Variants in RNF220 observed in about 807,000 individuals in gnomAD.
RNF220 encodes E3 ubiquitin-protein ligase RNF220.
RNF220 carries 7 observed loss-of-function variants against 67.1 expected under a neutral mutation model. The ratio of observed to expected loss-of-function variants is 0.10; its 90% confidence interval spans 0.06 to 0.20. The LOEUF (loss-of-function observed/expected upper bound fraction) is 0.20, where lower values mean the gene tolerates loss of function less well. Ranked by LOEUF, RNF220 falls within the 10% of genes least tolerant of loss-of-function variation. The probability of loss-of-function intolerance (pLI) is 1.00; values close to 1 mark genes in which losing one functional copy is unlikely to be tolerated. For synonymous variants in RNF220, 270 were observed against 283.2 expected (o/e 0.95, Z 0.47); for missense variants, 565 against 740.3 (o/e 0.76, Z 2.75).
intron 2 of RNF220, among the ~76,000 whole-genome samples, chr1:44,564,021 C>T (rs1233757054): frequency 2.0e-5 from 3 of 152,196 alleles, no homozygotes; most frequent in Non-Finnish European, 2.9e-5. Context: ...GAGAATGCCA[C>T]TGGCCCCCAT....
chr1:44,419,452 A>G (rs1432656593), intron 2 of RNF220: 5 of 152,218 alleles, frequency 3.3e-5, no homozygotes, highest in Non-Finnish European at 5.9e-5. Context: ...GGAATTTATC[A>G]TCTTCCAGCC....
chr1:44,609,759 C>CG (rs1264414220), intron 2 of RNF220, among the ~76,000 whole-genome samples: 2 of 152,220 alleles, frequency 1.3e-5, no homozygotes, highest in African/African-American at 4.8e-5. Context: ...CTCTCCTCCT[C>CG]GACAGGCCTG....
At chr1:44,533,397 C>G (rs1660972928) in intron 2 of RNF220, among the ~76,000 whole-genome samples, 1 of 151,976 alleles carries the variant, frequency 6.6e-6, no homozygotes, top group South Asian at 2.1e-4. Flanking sequence ...GAGGCTGAGG[C>G]AGGAGGATTG....
chr1:44,563,431 A>C (rs551190079), intron 2 of RNF220, among the ~76,000 whole-genome samples: 1 of 152,152 alleles, frequency 6.6e-6, no homozygotes, highest in Non-Finnish European at 1.5e-5. Context: ...CTTGGCCCTG[A>C]TGGTACCTGT....
At chr1:44,521,689 C>T (rs913876136) in intron 2 of RNF220, among the ~76,000 whole-genome samples, 7 of 152,136 alleles carry the variant, frequency 4.6e-5, no homozygotes, top group Non-Finnish European at 8.8e-5. Flanking sequence ...ATGGATCGCT[C>T]GTACAGAACT....
Position 44,417,860 on chromosome 1 carries a change from G to T in RNF220, c.625+5138G>T, listed in dbSNP as rs1648732657. Among the ~76,000 whole-genome samples the T allele has an allele frequency of 6.6e-6, 1 of 152,146 alleles. No homozygotes were observed. Among genetic ancestry groups the T allele is most frequent in the South Asian group, 2.1e-4 (1 of 4,830 alleles). Reference sequence around the variant, plus strand: ...ACCCCCAGCCTCCGCCACCGAGGCGGCTTGCAAGTGGTTTCAGAAATGTTG... The same window carrying T: ...ACCCCCAGCCTCCGCCACCGAGGCGTCTTGCAAGTGGTTTCAGAAATGTTG... On this transcript the variant is annotated intron_variant, in intron 2 of 14. Transcript: ENST00000361799. The surrounding 1 kb of genome is among the most constrained non-coding windows in gnomAD (Gnocchi z 4.0).
chr1:44,492,183 A>T lies in RNF220; in HGVS notation c.625+79461A>T, dbSNP rs188905063. 2.6e-5 allele frequency among the ~76,000 whole-genome samples: 4 copies of T among 152,380 alleles called. No individual in the cohort carries two copies. The East Asian group carries it at 7.7e-4, about 29-fold the overall frequency. On this transcript the variant is annotated intron_variant, in intron 2 of 14. Transcript: ENST00000361799. ...CGAAAAATATTCAATATCTTTAGTC[A>T]TCAGGGAAATGCAAATCAAATCCAC...
intron 1 of RNF220, among the ~76,000 whole-genome samples, chr1:44,411,598 G>C (rs1434432114): frequency 2.6e-5 from 4 of 152,240 alleles, no homozygotes; most frequent in South Asian, 2.1e-4. Context: ...CCTGCCATGA[G>C]TGGTGGATGC....
chr1:44,466,238 T>C (rs1235263643), intron 2 of RNF220, among the ~76,000 whole-genome samples: 1 of 152,204 alleles, frequency 6.6e-6, no homozygotes, highest in Non-Finnish European at 1.5e-5. Context: ...CAACTCCTCA[T>C]CCATTCAGGT....
At chr1:44,593,791 A>G (rs1465603936) in intron 2 of RNF220, among the ~76,000 whole-genome samples, 1 of 152,058 alleles carries the variant, frequency 6.6e-6, no homozygotes, top group Non-Finnish European at 1.5e-5. Flanking sequence ...CTTAAAAGGG[A>G]TAAACTCTTG....
chr1:44,542,316 C>T (rs939784880), intron 2 of RNF220, among the ~76,000 whole-genome samples: 6 of 152,152 alleles, frequency 3.9e-5, no homozygotes, highest in Admixed American at 1.3e-4. Context: ...ATCTGGGTGC[C>T]GTGAGTCCAA....
intron 2 of RNF220, among the ~76,000 whole-genome samples, chr1:44,577,924 C>A (rs1664934163): frequency 6.6e-6 from 1 of 151,374 alleles, no homozygotes; most frequent in Admixed American, 6.6e-5. Flanking sequence ...GCAGCCTTGA[C>A]CTTCTGGGCT....
rs533464648 is a variant in RNF220 at position 44,470,734 on chromosome 1, G to A, written c.625+58012G>A. Among the ~76,000 whole-genome samples the A allele has an allele frequency of 3.9e-5, 6 of 152,220 alleles. No individual in the cohort carries two copies. In the South Asian group the frequency reaches 1.0e-3, roughly 26 times the overall value. On this transcript the variant is annotated intron_variant, in intron 2 of 14. Transcript: ENST00000361799. ...AGAACTCATCAACCTTAAACTTCTT[G>A]CTCTCTAGCTGGACCCTTCTGTCCT...
Position 44,405,388 on chromosome 1 carries a change from T to TGCTGCTGCTGCTGCTGCC in RNF220, c.-252_-251insTGCTGCTGCCGCTGCTGC. ...GGGGCCAGCCGCCTACTGCTGCTGCTGCTGCTGCCGCTGCCGCCGCCGCCG... is the reference window on the plus strand; with the variant it reads ...GGGGCCAGCCGCCTACTGCTGCTGCTGCTGCTGCTGCTGCTGCCGCTGCTGCCGCTGCCGCCGCCGCCG... On this transcript the variant is annotated 5_prime_UTR_variant, in exon 1 of 15. Coordinates refer to ENST00000361799, the MANE Select transcript of RNF220 (RefSeq NM_018150.4). 1.6e-6 allele frequency: 1 copy of TGCTGCTGCTGCTGCTGCC among 629,282 alleles called. No individual in the cohort carries two copies. 39.0% of individuals were successfully genotyped at this position (629,282 alleles called of 1,614,324 possible).
chr1:44,408,208 G>A (rs548417002), intron 1 of RNF220, among the ~76,000 whole-genome samples: 43 of 152,158 alleles, frequency 2.8e-4, no homozygotes, highest in Non-Finnish European at 5.4e-4. Context: ...ACTCTTCCGA[G>A]CTGAATAATG....
At chr1:44,533,149 C>T (rs753052119) in intron 2 of RNF220, among the ~76,000 whole-genome samples, 11 of 152,162 alleles carry the variant, frequency 7.2e-5, no homozygotes, top group Non-Finnish European at 1.2e-4. Flanking sequence ...GGAGAGTAAA[C>T]GAAAGTCTGC....
intron 2 of RNF220, among the ~76,000 whole-genome samples, chr1:44,509,578 A>T (rs1254449373): frequency 1.3e-5 from 2 of 151,302 alleles, no homozygotes; most frequent in South Asian, 2.1e-4. Context: ...ATAAATAAAT[A>T]AAAGAAAAGA....
Position 44,621,797 on chromosome 1 carries a change from T to G in RNF220, c.759-945T>G, listed in dbSNP as rs117254679. Among the ~76,000 whole-genome samples the G allele has an allele frequency of 1.8e-4, 27 of 152,352 alleles. No homozygotes were observed. The East Asian group carries it at 4.4e-3, about 25-fold the overall frequency. On this transcript the variant is annotated intron_variant, in intron 3 of 14. Coordinates refer to ENST00000361799, the MANE Select transcript of RNF220 (RefSeq NM_018150.4). This position sits in a 1 kb window ranked among gnomAD's most constrained non-coding sequence, Gnocchi z 4.8. Reference sequence around the variant, plus strand: ...TTTCCGGGTATATCTGCAGGTGTGCTGTACGTTATACCTCATATGTGTGTC... The same window carrying G: ...TTTCCGGGTATATCTGCAGGTGTGCGGTACGTTATACCTCATATGTGTGTC...
At chr1:44,490,130 A>G (rs1336679973) in intron 2 of RNF220, among the ~76,000 whole-genome samples, 1 of 152,182 alleles carries the variant, frequency 6.6e-6, no homozygotes, top group Non-Finnish European at 1.5e-5. Flanking sequence ...ATCAACTAGA[A>G]AGGGAAATAC....
Sources: gnomAD v4.1 joint callset for allele counts (sites outside exome capture counted in the v4.1 genomes callset) on GRCh38, gnomAD v4.1.1 for gene constraint, Gnocchi (gnomAD v3.1) non-coding constraint, MANE v1.5 for transcripts, NCBI Gene and HGNC (gene_info 2026-07-23, HGNC 2026-07-21) for gene names.